Variants in GBF1 observed in about 807,000 individuals in gnomAD.
The protein encoded by GBF1 is golgi brefeldin A resistant guanine nucleotide exchange factor 1.
A neutral mutation model predicts 210.5 loss-of-function variants in GBF1; 114 were observed. The observed-to-expected ratio is 0.54, with a 90% confidence interval of 0.47 to 0.63. The LOEUF (loss-of-function observed/expected upper bound fraction) is 0.63, where lower values mean the gene tolerates loss of function less well. Ranked by LOEUF, GBF1 falls within the 30% of genes least tolerant of loss-of-function variation. GBF1 has a pLI of 0.00. For missense variants in GBF1, 1,851 were observed against 2,357.7 expected (o/e 0.79, Z 4.45); for synonymous variants, 850 against 889.2 (o/e 0.96, Z 0.78).
intron 1 of GBF1, among the ~76,000 whole-genome samples, chr10:102,257,926 A>G (rs2072635363): frequency 6.6e-6 from 1 of 152,004 alleles, no homozygotes; most frequent in South Asian, 2.1e-4. Flanking sequence ...CTGACATTAC[A>G]GTTGTATCTG....
Position 102,357,960 on chromosome 10 carries a change from G to A in GBF1, c.640-79G>A, listed in dbSNP as rs552751618. ...GGTATAGCTTGTTTTCTAGAGATCA[G>A]TAGGACTAAATGAAGGGAGATTAAT... is the stretch of plus-strand genomic sequence containing the variant. On this transcript the variant is annotated intron_variant, in intron 8 of 39. Transcript: ENST00000369983. 7.5e-5 allele frequency: 72 copies of A among 961,446 alleles called. No homozygotes were observed. In the East Asian group the frequency reaches 1.2e-3, roughly 17 times the overall value. 59.6% of individuals were successfully genotyped at this position (961,446 alleles called of 1,614,324 possible).
At chr10:102,274,406 T>A in intron 3 of GBF1, among the ~76,000 whole-genome samples, 1 of 152,106 alleles carries the variant, frequency 6.6e-6, no homozygotes, top group South Asian at 2.1e-4. Context: ...TTAGCTGCTT[T>A]TAGGGCCTTG....
In GBF1 at chr10:102,293,764, G is replaced by GTTTTTTTTTTTTTTTTTTT. The variant is rs1263151407; in HGVS notation, c.163+33652_163+33653insTTTTTTTTTTTTTTTTTTT. Among the ~76,000 whole-genome samples the GTTTTTTTTTTTTTTTTTTT allele has an allele frequency of 3.2e-3, 165 of 50,880 alleles. 64 individuals carry two copies. Among genetic ancestry groups the GTTTTTTTTTTTTTTTTTTT allele is most frequent in the Non-Finnish European group, 5.7e-3 (135 of 23,616 alleles). 33.4% of individuals were successfully genotyped at this position (50,880 alleles called of 152,430 possible). On this transcript the variant is annotated intron_variant, in intron 3 of 39. Coordinates refer to ENST00000369983, the MANE Select transcript of GBF1 (RefSeq NM_001377137.1). ...AAAATATTTTGTACAGCTGTAGTAT[G>GTTTTTTTTTTTTTTTTTTT]TTTTGTGTTTTTTTTTTTTTTTTTT...
At chr10:102,242,735 T>C (rs1320325171), upstream of GBF1, among the ~76,000 whole-genome samples, 1 of 152,012 alleles carries the variant, frequency 6.6e-6, no homozygotes, top group African/African-American at 2.4e-5. Context: ...GAGACCACCC[T>C]GGCTAACACG....
intron 1 of GBF1, among the ~76,000 whole-genome samples, chr10:102,253,814 T>C (rs1255439409): frequency 6.6e-6 from 1 of 152,246 alleles, no homozygotes; most frequent in Non-Finnish European, 1.5e-5. Context: ...GCCTTTTAAG[T>C]ATTATCAGAT....
intron 3 of GBF1, among the ~76,000 whole-genome samples, chr10:102,294,685 T>G (rs933528991): frequency 1.3e-5 from 2 of 152,128 alleles, no homozygotes. Flanking sequence ...CCATTTTGTA[T>G]CTTTTATGCA....
the GBF1 span, among the ~76,000 whole-genome samples, chr10:102,235,247 G>T: frequency 6.7e-6 from 1 of 148,770 alleles, no homozygotes; most frequent in East Asian, 2.0e-4. Flanking sequence ...GACTCTGTGT[G>T]GGGGAGGAGC....
intron 3 of GBF1, among the ~76,000 whole-genome samples, chr10:102,319,904 T>C (rs1246807393): frequency 6.6e-6 from 1 of 151,870 alleles, no homozygotes; most frequent in Non-Finnish European, 1.5e-5. Flanking sequence ...AATTTTTATA[T>C]TTTTAGTAGA....
At chr10:102,348,702 A>G (rs1237379990) in intron 4 of GBF1, among the ~76,000 whole-genome samples, 2 of 152,232 alleles carry the variant, frequency 1.3e-5, no homozygotes, top group African/African-American at 2.4e-5. Context: ...TTCCTTCTGC[A>G]TGACCTCTAA....
chr10:102,357,966 C>A, intron 8 of GBF1, 73 bp from the exon 9 acceptor site: 1 of 1,021,902 alleles, frequency 9.8e-7, no homozygotes, highest in Non-Finnish European at 1.5e-6. Flanking sequence ...ATCAGTAGGA[C>A]TAAATGAAGG....
At chr10:102,360,991 A>C (rs1218763871) in intron 12 of GBF1, 31 bp from the exon 13 acceptor site, 2 of 1,167,962 alleles carry the variant, frequency 1.7e-6, no homozygotes. Flanking sequence ...AAAAAAAAAA[A>C]ACTCATGGCC....
At chr10:102,381,043 G>A (rs1346056434) in intron 38 of GBF1, 84 bp from the exon 39 acceptor site, 5 of 1,324,422 alleles carry the variant, frequency 3.8e-6, no homozygotes, top group Non-Finnish European at 5.3e-6. Flanking sequence ...GCCCTGGGTG[G>A]GTAGAAAGGC....
At chr10:102,231,874 G>A in the GBF1 span, 1 of 1,566,722 alleles carries the variant, frequency 6.4e-7, no homozygotes, top group Non-Finnish European at 8.7e-7. Flanking sequence ...GCCACTCGCT[G>A]GCTCCCACCG....
Position 102,299,636 on chromosome 10 carries a change from G to A in GBF1, c.163+39520G>A, listed in dbSNP as rs148600073. ...CGTCTCTACTAAAAATACAAAATTA[G>A]CAGGGCATGGTGGCACATGCCTGTA... On this transcript the variant is annotated intron_variant, in intron 3 of 39. Transcript: ENST00000369983. Among the ~76,000 whole-genome samples, 1,002 of 152,152 alleles carry A rather than the reference G, an allele frequency of 6.6e-3. 11 individuals are homozygous for A. Among genetic ancestry groups the A allele is most frequent in the African/African-American group, 0.019 (792 of 41,506 alleles).
At chr10:102,283,306 C>T (rs1417758316) in intron 3 of GBF1, among the ~76,000 whole-genome samples, 1 of 152,176 alleles carries the variant, frequency 6.6e-6, no homozygotes, top group African/African-American at 2.4e-5. Flanking sequence ...CCTCTGGTGA[C>T]TATTGCCCTC....
At chr10:102,287,191 T>A (rs1352793914) in intron 3 of GBF1, among the ~76,000 whole-genome samples, 2 of 152,104 alleles carry the variant, frequency 1.3e-5, no homozygotes, top group African/African-American at 4.8e-5. Context: ...TTTGATGTTA[T>A]GTTATTATGT....
At chr10:102,381,017 T>G (rs1589842745) in intron 38 of GBF1, 110 bp from the exon 39 acceptor site, 3 of 1,074,648 alleles carry the variant, frequency 2.8e-6, no homozygotes, top group South Asian at 1.5e-5. Context: ...TCCCCAAAGC[T>G]GAATTTATTG....
At chr10:102,299,793 TAAAA>T (rs1036839145) in intron 3 of GBF1, among the ~76,000 whole-genome samples, 3 of 151,924 alleles carry the variant, frequency 2.0e-5, no homozygotes, top group African/African-American at 7.3e-5. Context: ...CCAAAAAAAT[TAAAA>T]AATAAATGTA....
In GBF1 at chr10:102,369,279, C is replaced by T; in HGVS notation, c.3042C>T (p.Phe1014=). 1 of 1,613,298 alleles carries T rather than the reference C, an allele frequency of 6.2e-7. No individual in the cohort carries two copies. Residue 1014 remains phenylalanine, a synonymous_variant, in exon 24 of 40, where the codon TTC becomes TTT. Transcript: ENST00000369983. ...PKAHIAAKTV[F]HLAHRHGDIL... is the part of the protein sequence containing the mutation. ...CCCATATTGCAGCCAAGACAGTATT[C>T]CATTTGGCCCATCGTCATGGTGACA...
Sources: gnomAD v4.1 joint callset for allele counts (sites outside exome capture counted in the v4.1 genomes callset) on GRCh38, gnomAD v4.1.1 for gene constraint, MANE v1.5 for transcripts, NCBI Gene and HGNC (gene_info 2026-07-23, HGNC 2026-07-21) for gene names.